The following TBC1D1 variants were observed in gnomAD, a reference collection of about 807,000 sequenced individuals.
TBC1D1 encodes TBC1 domain family member 1.
A neutral mutation model predicts 125.6 loss-of-function variants in TBC1D1; 89 were observed. That is an observed-to-expected ratio of 0.71 (90% CI 0.60 to 0.85). The LOEUF (loss-of-function observed/expected upper bound fraction) is 0.85, where lower values mean the gene tolerates loss of function less well. TBC1D1 is among the 40% of genes least tolerant of loss of function. The pLI is 0.00. For missense variants in TBC1D1, 1,377 were observed against 1,469.2 expected, an observed-to-expected ratio of 0.94 and a Z score of 1.03; for synonymous variants, 565 against 564.1, an observed-to-expected ratio of 1.00 and a Z score of -0.02.
At chr4:37,954,549 C>T (rs971013621) in intron 2 of TBC1D1, among the ~76,000 whole-genome samples, 2 of 152,066 alleles carry the variant, frequency 1.3e-5, no homozygotes, top group Non-Finnish European at 2.9e-5. Flanking sequence ...TAATATCAGT[C>T]ACAGGTAGGT....
chr4:38,089,211 T>C (rs771432122), intron 12 of TBC1D1, among the ~76,000 whole-genome samples: 3 of 152,238 alleles, frequency 2.0e-5, no homozygotes, highest in East Asian at 1.9e-4. Flanking sequence ...TTCTGAACTT[T>C]AGTTTCCTTT....
chr4:37,891,978 T>G (rs945463468), intron 1 of TBC1D1, among the ~76,000 whole-genome samples: 1 of 152,146 alleles, frequency 6.6e-6, no homozygotes, highest in African/African-American at 2.4e-5. Context: ...AGATGTGGCT[T>G]TTCCTGTTTT....
intron 2 of TBC1D1, among the ~76,000 whole-genome samples, chr4:37,984,079 C>CT (rs966298289): frequency 5.8e-4 from 86 of 148,628 alleles, no homozygotes; most frequent in East Asian, 2.0e-3. Flanking sequence ...TTCCTGTGTG[C>CT]TTTTTTTTTT....
intron 12 of TBC1D1, among the ~76,000 whole-genome samples, chr4:38,067,246 T>C (rs1282353252): frequency 6.6e-6 from 1 of 152,252 alleles, no homozygotes; most frequent in East Asian, 1.9e-4. Flanking sequence ...AAATGATTTC[T>C]AGTACCAAAC....
chr4:38,049,880 A>G lies in TBC1D1; in HGVS notation c.1892A>G (p.Glu631Gly), dbSNP rs752552732. Residue 631 changes from glutamate (E) to glycine (G), a missense_variant, in exon 11 of 20, where the codon GAG becomes GGG. Physicochemically the swap from Glu to Gly is moderately conservative, Grantham distance 98 (BLOSUM62 -2). Coordinates refer to ENST00000261439, the MANE Select transcript of TBC1D1 (RefSeq NM_015173.4). ...ATGAGGTATCACTCAGTGAGCACAG[A>G]GACGCCTCATGAACGAAAGTAAGAT... 5.0e-5 allele frequency: 80 copies of G among 1,609,492 alleles called. No individual in the cohort carries two copies. The highest frequency in any genetic ancestry group is 6.8e-5 in the Non-Finnish European group (80 of 1,177,852).
At chr4:38,076,232 G>T (rs1755573515) in intron 12 of TBC1D1, among the ~76,000 whole-genome samples, 1 of 152,136 alleles carries the variant, frequency 6.6e-6, no homozygotes, top group African/African-American at 2.4e-5. Context: ...CAAAAGGGGG[G>T]AAAGCCCTTT....
chr4:37,999,803 C>T (rs1186862010), intron 2 of TBC1D1, among the ~76,000 whole-genome samples: 1 of 152,164 alleles, frequency 6.6e-6, no homozygotes, highest in African/African-American at 2.4e-5. Context: ...GTATGCTTTT[C>T]TTGTTTTTCC....
At position 38,101,748 on chromosome 4, in the gene TBC1D1, T is replaced by C. The variant is rs558634938; in HGVS notation, c.2399-1251T>C. Among the ~76,000 whole-genome samples the C allele has an allele frequency of 7.9e-5, 12 of 152,304 alleles. 1 individual carries two copies. In the South Asian group the frequency reaches 1.2e-3, roughly 16 times the overall value. On this transcript the variant is annotated intron_variant, in intron 14 of 19. Transcript: ENST00000261439. ...CAGCTCAGAAACATGCATGATTCCC[T>C]GGAGCTACCAAACGTGGGGCAGGTT...
chr4:38,065,253 G>GT (rs1055395206), intron 12 of TBC1D1, among the ~76,000 whole-genome samples: 24 of 152,062 alleles, frequency 1.6e-4, no homozygotes, highest in African/African-American at 5.6e-4. Context: ...CACCCAGCCC[G>GT]TAGCTACATT....
intron 6 of TBC1D1, 96 bp downstream of exon 6, chr4:38,021,814 CAG>C (rs1390218922): frequency 7.6e-7 from 1 of 1,321,626 alleles, no homozygotes; most frequent in South Asian, 1.9e-5. Flanking sequence ...TTCTGCCTAA[CAG>C]AGGCTTGTAT....
At chr4:38,004,428 A>T (rs1312130384) in intron 2 of TBC1D1, among the ~76,000 whole-genome samples, 1 of 152,118 alleles carries the variant, frequency 6.6e-6, no homozygotes, top group Non-Finnish European at 1.5e-5. Flanking sequence ...GTTGGGATTT[A>T]TACTCGTCAC....
At chr4:38,040,770 C>G (rs767379976) in intron 8 of TBC1D1, among the ~76,000 whole-genome samples, 2 of 152,160 alleles carry the variant, frequency 1.3e-5, no homozygotes, top group Non-Finnish European at 2.9e-5. Context: ...CCTGGACAGG[C>G]ACTTACACTT....
At chr4:38,074,330 C>T (rs1255928838) in intron 12 of TBC1D1, among the ~76,000 whole-genome samples, 2 of 152,200 alleles carry the variant, frequency 1.3e-5, no homozygotes, top group African/African-American at 4.8e-5. Context: ...TCACTCTTTA[C>T]AATCATCCCA....
chr4:37,987,705 G>T (rs1383632776), intron 2 of TBC1D1, among the ~76,000 whole-genome samples: 2 of 152,224 alleles, frequency 1.3e-5, no homozygotes. Context: ...TGAAGGTGAA[G>T]ATTGGGAGGA....
intron 2 of TBC1D1, among the ~76,000 whole-genome samples, chr4:38,001,304 TG>T (rs1553915813): frequency 6.6e-6 from 1 of 152,120 alleles, no homozygotes; most frequent in Non-Finnish European, 1.5e-5. Context: ...GAAGGGGTTT[TG>T]GGGTGTTTAG....
intron 2 of TBC1D1, among the ~76,000 whole-genome samples, chr4:37,909,179 C>T (rs1417835447): frequency 1.3e-5 from 2 of 152,136 alleles, no homozygotes; most frequent in African/African-American, 4.8e-5. Flanking sequence ...CGGCATAGGA[C>T]CTTGTGCCTC....
chr4:38,103,749 G>A (rs2152559785), intron 15 of TBC1D1, among the ~76,000 whole-genome samples: 2 of 152,198 alleles, frequency 1.3e-5, no homozygotes, highest in Middle Eastern at 3.4e-3. Context: ...GAAAGTATTT[G>A]GGAAGAAAAA....
rs759679483 is a variant in TBC1D1, at chr4:38,137,278, C to T, written c.3450C>T (p.Ser1150=). 8 of 1,611,690 alleles carry T rather than the reference C, an allele frequency of 5.0e-6. No individual in the cohort carries two copies. The highest frequency in any genetic ancestry group is 1.1e-5 in the South Asian group (1 of 90,990). ...CGGTGGAGGAGCTGCGGCGGCGGAG[C>T]GCAGAGCCCAGCGACCGGGAGCCTG... Residue 1150 remains serine (S), a synonymous_variant, in exon 20 of 20, where the codon AGC becomes AGT. Coordinates refer to ENST00000261439, the MANE Select transcript of TBC1D1 (RefSeq NM_015173.4).
chr4:37,898,851 T>G (rs1715210783), intron 1 of TBC1D1, among the ~76,000 whole-genome samples: 1 of 152,200 alleles, frequency 6.6e-6, no homozygotes, highest in African/African-American at 2.4e-5. Flanking sequence ...AGGAACCGTA[T>G]GCACCATGGC....
Sources: allele counts gnomAD v4.1 joint callset (sites outside exome capture counted in the v4.1 genomes callset), GRCh38; gene constraint gnomAD v4.1.1; transcripts MANE v1.5; gene names NCBI Gene and HGNC (gene_info 2026-07-23, HGNC 2026-07-21).